The following EIF4G3 variants were observed in gnomAD, a reference collection of about 807,000 sequenced individuals.
EIF4G3 encodes the protein eIF-4-gamma 3.
EIF4G3 carries 34 observed loss-of-function variants against 186.4 expected under a neutral mutation model. The observed-to-expected ratio is 0.18, with a 90% CI of 0.14 to 0.24. EIF4G3 has a LOEUF of 0.24. Among genes scored for constraint, EIF4G3 ranks in the 10% least tolerant of loss-of-function variants. EIF4G3 has a pLI of 1.00. For missense variants in EIF4G3, 1,536 were observed against 1,948.5 expected (o/e 0.79, Z 3.99); for synonymous variants, 673 against 679.5 (o/e 0.99, Z 0.15).
intron 20 of EIF4G3, among the ~76,000 whole-genome samples, chr1:20,877,080 CTTA>C (rs1400158892): frequency 2.0e-5 from 3 of 152,176 alleles, no homozygotes; most frequent in Non-Finnish European, 4.4e-5. Context: ...CCAATTTGTA[CTTA>C]TTGCCAGATC....
intron 30 of EIF4G3, among the ~76,000 whole-genome samples, chr1:20,839,618 G>A (rs777937987): frequency 3.3e-5 from 5 of 151,894 alleles, no homozygotes. Context: ...CCTCAGCCTC[G>A]CAAGTAGCTG....
At chr1:21,025,130 G>C (rs1480455418) in intron 4 of EIF4G3, among the ~76,000 whole-genome samples, 3 of 152,106 alleles carry the variant, frequency 2.0e-5, no homozygotes, top group African/African-American at 7.2e-5. Flanking sequence ...AAAAACTAGG[G>C]CACGTCTGCT....
chr1:20,816,225 T>TG (rs1421667765), intron 34 of EIF4G3, among the ~76,000 whole-genome samples: 10 of 35,598 alleles, frequency 2.8e-4, no homozygotes, highest in African/African-American at 8.1e-4. Context: ...GGGAGGGAGG[T>TG]GGGGGGGTCA....
At chr1:21,097,539 G>A (rs2096404545) in intron 2 of EIF4G3, among the ~76,000 whole-genome samples, 1 of 152,044 alleles carries the variant, frequency 6.6e-6, no homozygotes, top group Admixed American at 6.6e-5. Flanking sequence ...AAAAGGAAGG[G>A]GGCATTAGAC....
chr1:20,920,621 GA>G (rs1451090427), intron 14 of EIF4G3, among the ~76,000 whole-genome samples: 3 of 152,052 alleles, frequency 2.0e-5, no homozygotes, highest in African/African-American at 7.2e-5. Flanking sequence ...AATTCTAAGA[GA>G]AAGAGGCTTA....
At chr1:21,074,634 G>A (rs115087402) in intron 3 of EIF4G3, among the ~76,000 whole-genome samples, 4,349 of 151,732 alleles carry the variant, frequency 0.029, 106 homozygotes, top group Non-Finnish European at 0.043. Flanking sequence ...TAATTCAAAC[G>A]CATTAAACAG....
At chr1:21,093,793 T>C (rs970315474) in intron 2 of EIF4G3, among the ~76,000 whole-genome samples, 12 of 152,144 alleles carry the variant, frequency 7.9e-5, no homozygotes, top group African/African-American at 2.9e-4. Flanking sequence ...GATGAGTTCA[T>C]GTCCTTTGTA....
At chr1:21,171,366 A>G (rs1474749967) in intron 2 of EIF4G3, among the ~76,000 whole-genome samples, 1 of 152,222 alleles carries the variant, frequency 6.6e-6, no homozygotes, top group Non-Finnish European at 1.5e-5. Context: ...TAACTGTATC[A>G]TCACCCAGAA....
chr1:20,950,221 T>A, intron 12 of EIF4G3, 110 bp from the exon 13 acceptor site: 3 of 648,460 alleles, frequency 4.6e-6, no homozygotes, highest in Non-Finnish European at 7.1e-6. Context: ...GATCACAAAA[T>A]TAAAAAAGGA....
At chr1:20,944,527 GGAAAA>G (rs964720147) in intron 13 of EIF4G3, among the ~76,000 whole-genome samples, 1 of 150,834 alleles carries the variant, frequency 6.6e-6, no homozygotes, top group Non-Finnish European at 1.5e-5. Flanking sequence ...AATGAAAAAG[GGAAAA>G]GAAAAGTGGG....
intron 4 of EIF4G3, among the ~76,000 whole-genome samples, chr1:21,017,356 C>T (rs566971547): frequency 7.2e-5 from 11 of 152,014 alleles, no homozygotes; most frequent in East Asian, 1.9e-4. Flanking sequence ...TGGCCGGGCG[C>T]AGTGGCTCAC....
chr1:21,042,778 C>CACATAT (rs2093656373), intron 4 of EIF4G3, among the ~76,000 whole-genome samples: 1 of 152,192 alleles, frequency 6.6e-6, no homozygotes, highest in South Asian at 2.1e-4. Context: ...CGCTCTGAAT[C>CACATAT]ACATATACAT....
At position 20,974,523 on chromosome 1, in the gene EIF4G3, G is replaced by A. The variant is rs141032574; in HGVS notation, c.494-1424C>T. On this transcript the variant is annotated intron_variant, in intron 10 of 36. Transcript: ENST00000602326. ...TGACAAAAGTTGTTTGGGCAGAGAG[G>A]TGAAGAGTGTGAAGCCTGATTTGAG... Among the ~76,000 whole-genome samples, 727 of 152,306 alleles carry A rather than the reference G, an allele frequency of 4.8e-3. 3 individuals carry two copies. Among genetic ancestry groups the A allele is most frequent in the Non-Finnish European group, 6.3e-3 (429 of 68,038 alleles).
At chr1:20,939,407 T>C (rs2095630526) in intron 14 of EIF4G3, among the ~76,000 whole-genome samples, 1 of 152,202 alleles carries the variant, frequency 6.6e-6, no homozygotes, top group Non-Finnish European at 1.5e-5. Context: ...TTCACAATAC[T>C]AATATTGAGA....
At position 21,050,847 on chromosome 1, in the gene EIF4G3, TA is replaced by T. The variant is rs1381703729; in HGVS notation, c.-67+18del. The T allele has an allele frequency of 2.9e-6, 2 of 690,488 alleles. No individual in the cohort carries two copies. The highest frequency in any genetic ancestry group is 2.5e-5 in the Admixed American group (1 of 40,216). 42.8% of individuals were successfully genotyped at this position (690,488 alleles called of 1,614,324 possible). On this transcript the variant is annotated intron_variant, in intron 4 of 36. Transcript: ENST00000602326. ...TTTACAGGGACATTTCTTATTTTTT[TA>T]AAAAAGGTTTATCTTACTTGAGAGA...
intron 2 of EIF4G3, among the ~76,000 whole-genome samples, chr1:21,151,490 G>A (rs1312077507): frequency 6.6e-6 from 1 of 151,700 alleles, no homozygotes; most frequent in Non-Finnish European, 1.5e-5. Context: ...CGCCCGCCTT[G>A]GCCTCACAAA....
intron 33 of EIF4G3, among the ~76,000 whole-genome samples, chr1:20,817,768 G>A (rs891620683): frequency 1.4e-5 from 2 of 147,338 alleles, no homozygotes; most frequent in Admixed American, 6.9e-5. Flanking sequence ...TCCACATCAC[G>A]GGCTCAAGCA....
intron 2 of EIF4G3, among the ~76,000 whole-genome samples, chr1:21,131,914 G>C (rs1418295662): frequency 6.6e-6 from 1 of 151,986 alleles, no homozygotes; most frequent in Non-Finnish European, 1.5e-5. Flanking sequence ...CAAGGCTGTA[G>C]TAAGCCATGA....
intron 4 of EIF4G3, among the ~76,000 whole-genome samples, chr1:21,050,497 T>C (rs181722358): frequency 1.6e-4 from 25 of 152,248 alleles, no homozygotes; most frequent in African/African-American, 5.5e-4. Flanking sequence ...TTCACATAAG[T>C]AGAAAATAAC....
Sources: gnomAD v4.1 joint callset for allele counts (sites outside exome capture counted in the v4.1 genomes callset) on GRCh38, gnomAD v4.1.1 for gene constraint, MANE v1.5 for transcripts, NCBI Gene and HGNC (gene_info 2026-07-23, HGNC 2026-07-21) for gene names.